The following LRRTM4 variants were observed in gnomAD, a reference collection of about 807,000 sequenced individuals.
LRRTM4 encodes leucine rich repeat transmembrane neuronal 4.
Under a neutral mutation model 47.6 loss-of-function variants are expected in LRRTM4, and 25 were observed. The ratio of observed to expected loss-of-function variants is 0.53; its 90% CI spans 0.38 to 0.73. The LOEUF (loss-of-function observed/expected upper bound fraction) is 0.73, where lower values mean the gene tolerates loss of function less well. Among genes scored for constraint, LRRTM4 ranks in the 30% least tolerant of loss-of-function variants. LRRTM4 has a pLI of 0.00. For synonymous variants in LRRTM4, 311 were observed against 269.5 expected (o/e 1.15, Z -1.51); for missense variants, 638 against 713.4 (o/e 0.89, Z 1.20).
intron 3 of LRRTM4, among the ~76,000 whole-genome samples, chr2:77,309,737 CA>C (rs1394425127): frequency 1.4e-4 from 21 of 151,590 alleles, no homozygotes; most frequent in Admixed American, 1.3e-4. Flanking sequence ...ATAGATATAA[CA>C]AAAGGCTAAA....
At chr2:76,906,173 G>C (rs1345062188) in intron 3 of LRRTM4, among the ~76,000 whole-genome samples, 1 of 152,186 alleles carries the variant, frequency 6.6e-6, no homozygotes, top group Non-Finnish European at 1.5e-5. Flanking sequence ...CAAGTCAGAA[G>C]AGACTGGGGG....
intron 3 of LRRTM4, among the ~76,000 whole-genome samples, chr2:76,906,700 GTC>G (rs1673854089): frequency 1.3e-5 from 2 of 148,358 alleles, no homozygotes; most frequent in Admixed American, 1.4e-4. Flanking sequence ...TGCAATCCTA[GTC>G]TCTGATAAAA....
At chr2:77,144,139 G>A (rs1458779350) in intron 3 of LRRTM4, among the ~76,000 whole-genome samples, 1 of 152,102 alleles carries the variant, frequency 6.6e-6, no homozygotes, top group African/African-American at 2.4e-5. Flanking sequence ...GAGCTAGAAT[G>A]CTATTTCTGA....
intron 3 of LRRTM4, among the ~76,000 whole-genome samples, chr2:76,882,064 C>A (rs1406259287): frequency 6.6e-6 from 1 of 152,106 alleles, no homozygotes; most frequent in African/African-American, 2.4e-5. Flanking sequence ...GTACAAAATC[C>A]TTTCTCCATA....
At chr2:77,454,981 C>G (rs192199177) in intron 3 of LRRTM4, among the ~76,000 whole-genome samples, 1 of 152,078 alleles carries the variant, frequency 6.6e-6, no homozygotes, top group African/African-American at 2.4e-5. Flanking sequence ...GAATGTCAGG[C>G]ATTTGAGACC....
chr2:76,851,754 CGTT>C (rs1340999119), intron 3 of LRRTM4, among the ~76,000 whole-genome samples: 3 of 108,640 alleles, frequency 2.8e-5, no homozygotes, highest in African/African-American at 3.6e-5. Context: ...AACTTTTATT[CGTT>C]TTTTTTTTTT....
intron 3 of LRRTM4, among the ~76,000 whole-genome samples, chr2:77,044,234 A>G (rs1679153386): frequency 6.6e-6 from 1 of 151,768 alleles, no homozygotes; most frequent in South Asian, 2.1e-4. Flanking sequence ...ACACTTTAGA[A>G]TATAAAGTAT....
chr2:77,312,111 T>A (rs1677473266), intron 3 of LRRTM4, among the ~76,000 whole-genome samples: 1 of 152,212 alleles, frequency 6.6e-6, no homozygotes, highest in South Asian at 2.1e-4. Context: ...GTGTTTCTTT[T>A]GTAAGTCATT....
At chr2:76,950,604 A>G (rs180734373) in intron 3 of LRRTM4, among the ~76,000 whole-genome samples, 4 of 152,072 alleles carry the variant, frequency 2.6e-5, no homozygotes, top group Admixed American at 6.6e-5. Context: ...TTTTTTGACT[A>G]TAAGAATTTG....
intron 3 of LRRTM4, among the ~76,000 whole-genome samples, chr2:77,377,261 C>A (rs761713169): frequency 4.0e-5 from 6 of 151,834 alleles, no homozygotes; most frequent in Non-Finnish European, 5.9e-5. Flanking sequence ...AAATCAAGAT[C>A]TGGGCACTGG....
intron 3 of LRRTM4, among the ~76,000 whole-genome samples, chr2:77,187,870 G>C (rs1673554564): frequency 1.3e-5 from 2 of 151,760 alleles, no homozygotes; most frequent in African/African-American, 4.8e-5. Context: ...TTTTTCTTAT[G>C]AAAAAATAAT....
chr2:77,432,300 T>C (rs1675412202), intron 3 of LRRTM4, among the ~76,000 whole-genome samples: 1 of 152,200 alleles, frequency 6.6e-6, no homozygotes, highest in African/African-American at 2.4e-5. Context: ...GATTCATTCC[T>C]GTGTCTCCCT....
chr2:77,207,711 A>C (rs1396444355), intron 3 of LRRTM4, among the ~76,000 whole-genome samples: 1 of 151,906 alleles, frequency 6.6e-6, no homozygotes, highest in Non-Finnish European at 1.5e-5. Context: ...GGTTCTCCTT[A>C]ATATTTTCAA....
At chr2:77,421,773 A>G (rs1370798058) in intron 3 of LRRTM4, among the ~76,000 whole-genome samples, 1 of 152,158 alleles carries the variant, frequency 6.6e-6, no homozygotes, top group Non-Finnish European at 1.5e-5. Flanking sequence ...AACTCCTCAT[A>G]ACAAAGAATT....
intron 3 of LRRTM4, among the ~76,000 whole-genome samples, chr2:77,493,117 T>C (rs1573490030): frequency 6.6e-6 from 1 of 152,048 alleles, no homozygotes; most frequent in East Asian, 1.9e-4. Flanking sequence ...ATCCGAAACA[T>C]ACTCGCCAAA....
At chr2:77,259,691 G>A (rs895459661) in intron 3 of LRRTM4, among the ~76,000 whole-genome samples, 3 of 152,040 alleles carry the variant, frequency 2.0e-5, no homozygotes, top group African/African-American at 7.2e-5. Flanking sequence ...TATGAAGGAT[G>A]AGTGAGTGGT....
intron 3 of LRRTM4, among the ~76,000 whole-genome samples, chr2:76,871,001 A>G (rs1672608043): frequency 6.6e-6 from 1 of 152,202 alleles, no homozygotes; most frequent in African/African-American, 2.4e-5. Context: ...GACTATGCTT[A>G]CAGAGCTACA....
chr2:76,985,539 G>C lies in LRRTM4; in HGVS notation c.1552-236623C>G, dbSNP rs188603217. Among the ~76,000 whole-genome samples, 15 of 152,024 alleles carry C rather than the reference G, an allele frequency of 9.9e-5. 1 individual carries two copies. In the Admixed American group the frequency reaches 9.9e-4, roughly 10 times the overall value. On this transcript the variant is annotated intron_variant, in intron 3 of 3. Coordinates refer to ENST00000409884, the MANE Select transcript of LRRTM4 (RefSeq NM_001134745.3). Reference sequence around the variant, plus strand: ...TAATTAGCTTTAATAACCCAGAGCCGGGTGAAAGATCTCCTCCTGAGACTA... The same window carrying C: ...TAATTAGCTTTAATAACCCAGAGCCCGGTGAAAGATCTCCTCCTGAGACTA...
intron 3 of LRRTM4, among the ~76,000 whole-genome samples, chr2:77,410,432 A>G (rs1460382546): frequency 5.9e-5 from 9 of 152,116 alleles, no homozygotes; most frequent in Non-Finnish European, 1.3e-4. Flanking sequence ...TGGTCCTCAT[A>G]TTTCCCTATT....
Sources: allele counts gnomAD v4.1 joint callset (sites outside exome capture counted in the v4.1 genomes callset), GRCh38; gene constraint gnomAD v4.1.1; transcripts MANE v1.5; gene names NCBI Gene and HGNC (gene_info 2026-07-23, HGNC 2026-07-21).